SOX6: variants seen among roughly 807,000 people sequenced by gnomAD.
The protein encoded by SOX6 is SRY-box transcription factor 6, also known as transcription factor SOX-6.
SOX6 carries 11 observed loss-of-function variants against 97.8 expected under a neutral mutation model. The observed-to-expected ratio is 0.11, with a 90% CI of 0.07 to 0.19. The LOEUF is 0.19. Among genes scored for constraint, SOX6 ranks in the 10% least tolerant of loss-of-function variants. SOX6 has a pLI of 1.00. For missense variants in SOX6, 810 were observed against 1,039.5 expected, an observed-to-expected ratio of 0.78 and a Z score of 3.04; for synonymous variants, 360 against 371.4, an observed-to-expected ratio of 0.97 and a Z score of 0.35.
chr11:16,639,295 C>T (rs1848851241), intron 3 of SOX6, among the ~76,000 whole-genome samples: 1 of 152,130 alleles, frequency 6.6e-6, no homozygotes, highest in Admixed American at 6.6e-5. Flanking sequence ...GGTACCAGTA[C>T]CATGATGTTT....
At chr11:16,131,160 A>C (rs1598297) in intron 6 of SOX6, among the ~76,000 whole-genome samples, 2,348 of 152,054 alleles carry the variant, frequency 0.015, 61 homozygotes, top group African/African-American at 0.053. Flanking sequence ...CATGGTTAAA[A>C]AGCTAAGCCA....
chr11:16,043,276 G>A (rs953428843), intron 12 of SOX6, among the ~76,000 whole-genome samples: 2 of 152,150 alleles, frequency 1.3e-5, no homozygotes, highest in Admixed American at 6.5e-5. Flanking sequence ...TGTGTGGAAA[G>A]CTACAACCCA....
intron 12 of SOX6, among the ~76,000 whole-genome samples, chr11:16,036,968 T>C (rs1293307051): frequency 9.9e-5 from 15 of 152,206 alleles, no homozygotes; most frequent in Admixed American, 9.8e-4. Context: ...AGTTGCATTT[T>C]AAACTGAACC....
chr11:16,365,347 T>C (rs1481230390), intron 1 of SOX6, among the ~76,000 whole-genome samples: 1 of 145,502 alleles, frequency 6.9e-6, no homozygotes, highest in Non-Finnish European at 1.5e-5. Flanking sequence ...GTATCTTGTA[T>C]GGTATAAAAT....
At chr11:16,574,253 T>C (rs1447338509) in intron 4 of SOX6, among the ~76,000 whole-genome samples, 1 of 152,066 alleles carries the variant, frequency 6.6e-6, no homozygotes, top group African/African-American at 2.4e-5. Context: ...ATAAAGTAAA[T>C]ATAATTAAGT....
In SOX6 at chr11:16,300,076, C is replaced by G. The variant is rs946740765; in HGVS notation, c.445+18370G>C. On this transcript the variant is annotated intron_variant, in intron 3 of 15. Coordinates refer to ENST00000683767, the MANE Select transcript of SOX6 (RefSeq NM_001367873.1). This position sits in a 1 kb window ranked among gnomAD's most constrained non-coding sequence, Gnocchi z 4.1. The stretch of plus-strand genomic sequence containing the variant: ...CTGCTCAGGGAGGAAGTGACATCTT[C>G]TAATTTCAGACAAAACATGGAGGTG... Among the ~76,000 whole-genome samples, 3 of 152,142 alleles carry G rather than the reference C, an allele frequency of 2.0e-5. No homozygotes were observed. Among genetic ancestry groups the G allele is most frequent in the African/African-American group, 7.2e-5 (3 of 41,444 alleles).
At chr11:16,222,277 A>G (rs1244532950) in intron 4 of SOX6, among the ~76,000 whole-genome samples, 1 of 152,196 alleles carries the variant, frequency 6.6e-6, no homozygotes. Context: ...CAGTGGTACC[A>G]TGATAGCTCA....
chr11:16,130,761 G>A (rs1210378215), intron 6 of SOX6, among the ~76,000 whole-genome samples: 1 of 151,984 alleles, frequency 6.6e-6, no homozygotes, highest in Non-Finnish European at 1.5e-5. Flanking sequence ...GATGGTATTG[G>A]TTTAAGGATG....
At chr11:15,977,465 C>T (rs1002625255) in intron 15 of SOX6, among the ~76,000 whole-genome samples, 1 of 151,930 alleles carries the variant, frequency 6.6e-6, no homozygotes, top group South Asian at 2.1e-4. Context: ...TGAGGAGCTA[C>T]GGTTTCCTGA....
At chr11:16,212,770 C>A (rs903367577) in intron 4 of SOX6, among the ~76,000 whole-genome samples, 1 of 152,044 alleles carries the variant, frequency 6.6e-6, no homozygotes, top group African/African-American at 2.4e-5. Flanking sequence ...TGCAAAATGG[C>A]GTCTTATTTT....
chr11:16,624,566 T>A lies in SOX6; in HGVS notation n.430-12306A>T, dbSNP rs531443905. Among the ~76,000 whole-genome samples, 8 of 152,354 alleles carry A rather than the reference T, an allele frequency of 5.3e-5. No individual in the cohort carries two copies. In the East Asian group the frequency reaches 1.5e-3, roughly 29 times the overall value. On this transcript the variant is annotated intron_variant and non_coding_transcript_variant, in intron 3 of 5. Coordinates refer to the SOX6 transcript ENST00000524520. ...GATGAACATTTGAATTGTTTCCAGT[T>A]TTGGCTAATATGAATAAAACTGCTA...
chr11:16,474,730 T>A (rs1469973995), intron 1 of SOX6, among the ~76,000 whole-genome samples: 1 of 152,190 alleles, frequency 6.6e-6, no homozygotes, highest in African/African-American at 2.4e-5. Context: ...ATTTTCAGAA[T>A]AGTAAATAAG....
At chr11:16,145,448 G>A (rs1457026763) in intron 6 of SOX6, among the ~76,000 whole-genome samples, 1 of 152,150 alleles carries the variant, frequency 6.6e-6, no homozygotes, top group Non-Finnish European at 1.5e-5. Flanking sequence ...CACAAGACAG[G>A]GATGCCCTCT....
chr11:16,310,905 G>A (rs936725222), intron 3 of SOX6, among the ~76,000 whole-genome samples: 2 of 151,958 alleles, frequency 1.3e-5, no homozygotes, highest in Admixed American at 6.6e-5. Flanking sequence ...CTCACAGGGT[G>A]TGAATGTTAA....
intron 13 of SOX6, among the ~76,000 whole-genome samples, chr11:16,005,114 C>T (rs1470268216): frequency 1.3e-5 from 2 of 151,880 alleles, no homozygotes; most frequent in Non-Finnish European, 2.9e-5. Context: ...TATGTGTTCC[C>T]TTTATAGACT....
chr11:16,138,694 T>TC (rs1199345716), intron 6 of SOX6, among the ~76,000 whole-genome samples: 1 of 151,718 alleles, frequency 6.6e-6, no homozygotes, highest in Non-Finnish European at 1.5e-5. Flanking sequence ...ATGCTATCCC[T>TC]CCCCCCTCCT....
At chr11:16,560,189 C>A (rs1847792633) in intron 4 of SOX6, among the ~76,000 whole-genome samples, 1 of 152,132 alleles carries the variant, frequency 6.6e-6, no homozygotes. Context: ...ACACAAGGAA[C>A]TGTTAACCCC....
chr11:16,236,977 A>G (rs1041230556), intron 3 of SOX6, among the ~76,000 whole-genome samples: 2 of 152,020 alleles, frequency 1.3e-5, no homozygotes, highest in African/African-American at 4.8e-5. Context: ...TTCCCATTTC[A>G]GTAGAAGAAA....
intron 1 of SOX6, among the ~76,000 whole-genome samples, chr11:16,463,524 G>A (rs1859971713): frequency 6.6e-6 from 1 of 152,222 alleles, no homozygotes; most frequent in South Asian, 2.1e-4. Context: ...TTACAATAGA[G>A]TTGAAAGGAT....
Sources: allele counts gnomAD v4.1 joint callset (sites outside exome capture counted in the v4.1 genomes callset), GRCh38; gene constraint gnomAD v4.1.1; non-coding constraint Gnocchi (gnomAD v3.1); transcripts MANE v1.5; gene names NCBI Gene and HGNC (gene_info 2026-07-23, HGNC 2026-07-21).